Variants in CDK5RAP2 observed in about 807,000 individuals in gnomAD.
CDK5RAP2 encodes CDK5 regulatory subunit-associated protein 2.
A neutral mutation model predicts 232.9 loss-of-function variants in CDK5RAP2; 147 were observed. The ratio of observed to expected loss-of-function variants is 0.63; its 90% confidence interval spans 0.55 to 0.72. CDK5RAP2 has a LOEUF of 0.72. Among genes scored for constraint, CDK5RAP2 ranks in the 30% least tolerant of loss-of-function variants. The pLI is 0.00. For synonymous variants in CDK5RAP2, 833 were observed against 833.7 expected (o/e 1.00, Z 0.01); for missense variants, 2,195 against 2,231.5 (o/e 0.98, Z 0.33).
At chr9:120,576,611 A>T (rs981913230) in intron 1 of CDK5RAP2, among the ~76,000 whole-genome samples, 2 of 152,168 alleles carry the variant, frequency 1.3e-5, no homozygotes, top group Non-Finnish European at 2.9e-5. Context: ...CTGAGGCACC[A>T]GAACCGCTTG....
chr9:120,473,259 A>G (rs773693205), intron 15 of CDK5RAP2, among the ~76,000 whole-genome samples: 7 of 152,262 alleles, frequency 4.6e-5, no homozygotes, highest in Admixed American at 6.5e-5. Flanking sequence ...TCTTTTTTAG[A>G]TACCAAGAGA....
intron 36 of CDK5RAP2, among the ~76,000 whole-genome samples, chr9:120,394,120 C>A (rs1424425919): frequency 6.6e-6 from 1 of 152,238 alleles, no homozygotes; most frequent in East Asian, 1.9e-4. Flanking sequence ...CCCTGAGGGA[C>A]TGCCACTCCC....
chr9:120,569,731 G>C (rs1384028202), intron 2 of CDK5RAP2, among the ~76,000 whole-genome samples: 1 of 152,172 alleles, frequency 6.6e-6, no homozygotes, highest in Non-Finnish European at 1.5e-5. Context: ...TGCAGCTAAG[G>C]AGTAAGATGA....
chr9:120,417,350 G>C (rs945833907), intron 27 of CDK5RAP2, among the ~76,000 whole-genome samples: 1 of 151,918 alleles, frequency 6.6e-6, no homozygotes. Flanking sequence ...TGGCGCCCAC[G>C]GCACTGCACC....
Position 120,439,851 on chromosome 9 carries a change from A to G in CDK5RAP2, c.3270T>C (p.Ala1090=). The G allele has an allele frequency of 1.2e-6, 2 of 1,614,192 alleles. No homozygotes were observed. The highest frequency in any genetic ancestry group is 1.7e-6 in the Non-Finnish European group (2 of 1,180,032). The change falls in exon 24 of 38, where the codon GCT becomes GCC. Residue 1090 remains alanine, a synonymous_variant. Coordinates refer to ENST00000349780, the MANE Select transcript of CDK5RAP2 (RefSeq NM_018249.6). The stretch of plus-strand genomic sequence containing the variant: ...GATCAGTCCCCATCACACTGACTTT[A>G]GCAGAAGGCTGACTCTTGGAACTCA... The part of the protein sequence containing the change: ...TYLSSKSQPS[A]KVSVMGTDQS...
chr9:120,439,964 T>C lies in CDK5RAP2; in HGVS notation c.3157A>G (p.Ile1053Val), dbSNP rs752990841. 6.2e-7 allele frequency: 1 copy of C among 1,613,530 alleles called. No individual in the cohort carries two copies. Among genetic ancestry groups the C allele is most frequent in the South Asian group, 1.1e-5 (1 of 91,072 alleles). Residue 1053 changes from isoleucine (I) to valine (V), a missense_variant, in exon 24 of 38, where the codon ATT (isoleucine) becomes GTT (valine). Ile to Val is a conservative substitution (Grantham distance 29). Transcript: ENST00000349780. The stretch of plus-strand genomic sequence containing the variant: ...CTGGCAAGGTCATCAGGTGGGCAAA[T>C]CTCAGAGTCTGAAAATCAAATACAC... ...QQRSYEIDSEICPPDDLASLP... is the reference protein window; with the variant it reads ...QQRSYEIDSEVCPPDDLASLP...
intron 15 of CDK5RAP2, among the ~76,000 whole-genome samples, chr9:120,473,452 G>A (rs2037831906): frequency 6.6e-6 from 1 of 152,196 alleles, no homozygotes; most frequent in Admixed American, 6.5e-5. Flanking sequence ...CCAAATATGT[G>A]TGCCAGACTC....
chr9:120,473,437 T>C (rs1217810667), intron 15 of CDK5RAP2, among the ~76,000 whole-genome samples: 2 of 152,326 alleles, frequency 1.3e-5, no homozygotes, highest in Admixed American at 6.5e-5. Flanking sequence ...TTAGAGGCAA[T>C]TACTCCAAAT....
At chr9:120,521,289 A>G (rs566023008) in intron 11 of CDK5RAP2, among the ~76,000 whole-genome samples, 3 of 152,178 alleles carry the variant, frequency 2.0e-5, no homozygotes, top group Non-Finnish European at 2.9e-5. Context: ...AGATTTTGCA[A>G]CGCACAAACA....
chr9:120,525,013 T>TA lies in CDK5RAP2; in HGVS notation c.1064dup (p.Gln356ThrfsTer12). On this transcript the variant is annotated frameshift_variant, in exon 11 of 38. Transcript: ENST00000349780. LOFTEE classifies it high-confidence loss of function. ...GAAATTCCTGGGTCTGTGCTTTCTG[T>TA]AGGGCCTCTCTGGCTTTAGCAAAGG... 1 of 1,614,002 alleles carries TA rather than the reference T, an allele frequency of 6.2e-7. No individual in the cohort carries two copies. The highest frequency in any genetic ancestry group is 8.5e-7 in the Non-Finnish European group (1 of 1,179,872).
At chr9:120,498,161 CTTTG>C (rs1270098752) in intron 12 of CDK5RAP2, among the ~76,000 whole-genome samples, 1 of 152,230 alleles carries the variant, frequency 6.6e-6, no homozygotes, top group East Asian at 1.9e-4. Context: ...CCACCTGTTT[CTTTG>C]TTTGATCACC....
chr9:120,524,627 GA>G (rs763074578), intron 11 of CDK5RAP2, among the ~76,000 whole-genome samples: 2 of 151,568 alleles, frequency 1.3e-5, no homozygotes, highest in Non-Finnish European at 2.9e-5. Context: ...GACAGAGGGG[GA>G]CTCTGTCTTA....
In CDK5RAP2 at chr9:120,439,654, C is replaced by T. The variant is rs1285490933; in HGVS notation, c.3467G>A (p.Gly1156Asp). 6.2e-7 allele frequency: 1 copy of T among 1,614,102 alleles called. No homozygotes were observed. Among genetic ancestry groups the T allele is most frequent in the Non-Finnish European group, 8.5e-7 (1 of 1,180,056 alleles). The change falls in exon 24 of 38, where the codon GGC becomes GAC. Residue 1156 changes from glycine to aspartate, a missense_variant. By Grantham distance (94) the Gly-to-Asp change is moderately conservative. Coordinates refer to ENST00000349780, the MANE Select transcript of CDK5RAP2 (RefSeq NM_018249.6). The stretch of plus-strand genomic sequence containing the variant: ...AGAACCATTCTTGGGCTTGCTCAAG[C>T]CATCCTGGGCCCCTTCTGTCCCACA... ...VLCGTEGAQD[G>D]LSKPKNGSDG...
chr9:120,447,744 G>A (rs1423767832), intron 22 of CDK5RAP2, 151 bp downstream of exon 22: 1 of 739,638 alleles, frequency 1.4e-6, no homozygotes, highest in Middle Eastern at 3.6e-4. Context: ...TCCCTCTGTT[G>A]TGCATTTGTC....
chr9:120,430,763 T>A (rs1270355783), intron 25 of CDK5RAP2, among the ~76,000 whole-genome samples: 2 of 151,832 alleles, frequency 1.3e-5, no homozygotes, highest in Non-Finnish European at 2.9e-5. Context: ...CATTACTGGG[T>A]ATATACCCAA....
intron 15 of CDK5RAP2, among the ~76,000 whole-genome samples, chr9:120,475,678 G>A (rs1477839530): frequency 2.0e-5 from 3 of 152,052 alleles, no homozygotes; most frequent in South Asian, 4.1e-4. Flanking sequence ...AGAGAGTGAC[G>A]CCTACTCCCA....
intron 28 of CDK5RAP2, among the ~76,000 whole-genome samples, chr9:120,413,625 T>C (rs749839542): frequency 3.3e-5 from 5 of 152,194 alleles, no homozygotes; most frequent in Non-Finnish European, 7.3e-5. Context: ...CCCCAAATAA[T>C]TCTATAATTG....
rs1158237299 is a variant in CDK5RAP2, at chr9:120,428,760, G to A, written c.3956-6019C>T. On this transcript the variant is annotated intron_variant, in intron 25 of 37. Coordinates refer to ENST00000349780, the MANE Select transcript of CDK5RAP2 (RefSeq NM_018249.6). ...GAATCCTCCCTAACTCATTTTATGA[G>A]GCCAGCATCATCCTGATACCAAAGC... is the stretch of plus-strand genomic sequence containing the variant. 3.3e-5 allele frequency among the ~76,000 whole-genome samples: 5 copies of A among 152,274 alleles called. No homozygotes were observed. In the East Asian group the frequency reaches 9.6e-4, roughly 29 times the overall value.
chr9:120,435,470 TACAC>T (rs55654634), intron 25 of CDK5RAP2, among the ~76,000 whole-genome samples: 7,259 of 147,360 alleles, frequency 0.049, 183 homozygotes, highest in Non-Finnish European at 0.053. Flanking sequence ...ATTACACATT[TACAC>T]ACACACACAC....
Sources: allele counts gnomAD v4.1 joint callset (sites outside exome capture counted in the v4.1 genomes callset), GRCh38; gene constraint gnomAD v4.1.1; transcripts MANE v1.5; gene names NCBI Gene and HGNC (gene_info 2026-07-23, HGNC 2026-07-21).